CHODL: variants seen among roughly 807,000 people sequenced by gnomAD.
CHODL encodes the protein chondrolectin.
CHODL carries 29 observed loss-of-function variants against 34.5 expected under a neutral mutation model. That is an observed-to-expected ratio of 0.84 (90% confidence interval 0.63 to 1.15). The LOEUF is 1.15. Ranked by LOEUF, CHODL falls within the 50% of genes most tolerant of loss-of-function variation. CHODL has a pLI of 0.00. For missense variants in CHODL, 332 were observed against 332.5 expected (o/e 1.00, Z 0.01); for synonymous variants, 125 against 116.1 (o/e 1.08, Z -0.49).
chr21:18,070,838 A>G (rs1362000962), intron 2 of CHODL, among the ~76,000 whole-genome samples: 2 of 151,846 alleles, frequency 1.3e-5, no homozygotes, highest in African/African-American at 2.4e-5. Context: ...TCTCAACTCT[A>G]AGTAACTATG....
At chr21:18,149,403 T>C (rs1237131565) in intron 2 of CHODL, among the ~76,000 whole-genome samples, 1 of 152,186 alleles carries the variant, frequency 6.6e-6, no homozygotes, top group Non-Finnish European at 1.5e-5. Flanking sequence ...GCAATGGATG[T>C]CATAGAGTCC....
chr21:18,022,963 T>C (rs2064141328), intron 1 of CHODL, among the ~76,000 whole-genome samples: 1 of 152,154 alleles, frequency 6.6e-6, no homozygotes, highest in Admixed American at 6.5e-5. Context: ...AGGGCAAGTT[T>C]TGGGAAGGAG....
At chr21:18,113,531 G>A (rs905164968) in intron 2 of CHODL, among the ~76,000 whole-genome samples, 15 of 152,130 alleles carry the variant, frequency 9.9e-5, no homozygotes, top group Non-Finnish European at 2.1e-4. Flanking sequence ...AAAAGGTGAA[G>A]GGGAAGCAGG....
At chr21:18,073,889 T>A (rs1454973917) in intron 2 of CHODL, among the ~76,000 whole-genome samples, 1 of 152,016 alleles carries the variant, frequency 6.6e-6, no homozygotes, top group Non-Finnish European at 1.5e-5. Context: ...CTTGATGTAA[T>A]TTAATAAAAT....
chr21:18,143,896 A>G (rs937653660), intron 2 of CHODL, among the ~76,000 whole-genome samples: 3 of 152,116 alleles, frequency 2.0e-5, no homozygotes, highest in Non-Finnish European at 2.9e-5. Flanking sequence ...ATTCAATATA[A>G]TTGAATATTT....
chr21:18,059,573 G>A (rs1265793665), intron 2 of CHODL, among the ~76,000 whole-genome samples: 1 of 150,468 alleles, frequency 6.6e-6, no homozygotes, highest in Non-Finnish European at 1.5e-5. Context: ...ATGGGTAAAC[G>A]TGCTGCACAG....
intron 2 of CHODL, among the ~76,000 whole-genome samples, chr21:18,197,156 A>G (rs1400264365): frequency 6.6e-6 from 1 of 152,226 alleles, no homozygotes; most frequent in African/African-American, 2.4e-5. Context: ...AGGTGAAAAT[A>G]TAAATGTGTG....
chr21:18,044,998 G>A (rs2064424769), intron 2 of CHODL, among the ~76,000 whole-genome samples: 2 of 151,922 alleles, frequency 1.3e-5, no homozygotes, highest in South Asian at 2.1e-4. Context: ...ACAATAACAA[G>A]TACATAAAAA....
At chr21:18,123,749 G>A (rs965773443) in intron 2 of CHODL, among the ~76,000 whole-genome samples, 2 of 152,104 alleles carry the variant, frequency 1.3e-5, no homozygotes, top group African/African-American at 2.4e-5. Context: ...TGTTACATAG[G>A]CAATTAAATT....
chr21:18,080,505 G>A (rs1295854306), intron 2 of CHODL, among the ~76,000 whole-genome samples: 1 of 152,078 alleles, frequency 6.6e-6, no homozygotes, highest in Non-Finnish European at 1.5e-5. Flanking sequence ...GTTGATTTTT[G>A]TATATGGTGA....
At chr21:18,083,755 T>C (rs2064970496) in intron 2 of CHODL, among the ~76,000 whole-genome samples, 1 of 152,194 alleles carries the variant, frequency 6.6e-6, no homozygotes, top group African/African-American at 2.4e-5. Context: ...GTTCCTCCTA[T>C]TTGAAATGCA....
intron 2 of CHODL, among the ~76,000 whole-genome samples, chr21:18,116,338 T>G (rs993198550): frequency 1.3e-5 from 2 of 152,106 alleles, no homozygotes; most frequent in African/African-American, 4.8e-5. Flanking sequence ...TTTATCTCAT[T>G]TAGAGGTTCC....
At chr21:18,182,891 C>T (rs2073398253) in intron 2 of CHODL, among the ~76,000 whole-genome samples, 1 of 152,182 alleles carries the variant, frequency 6.6e-6, no homozygotes, top group African/African-American at 2.4e-5. Context: ...ACTCTCTCCA[C>T]ATTTGTGCTA....
chr21:18,182,371 A>G (rs1014909544), intron 2 of CHODL, among the ~76,000 whole-genome samples: 13 of 152,208 alleles, frequency 8.5e-5, no homozygotes, highest in Non-Finnish European at 1.9e-4. Flanking sequence ...CTCTTTCTCC[A>G]CTGGCATAAA....
At chr21:18,055,403 A>C (rs2064566732) in intron 2 of CHODL, among the ~76,000 whole-genome samples, 1 of 152,000 alleles carries the variant, frequency 6.6e-6, no homozygotes, top group African/African-American at 2.4e-5. Flanking sequence ...TTAGTTTTGA[A>C]AACTGAGTAG....
At chr21:18,226,438 T>C (rs1193593691) in intron 2 of CHODL, among the ~76,000 whole-genome samples, 1 of 152,076 alleles carries the variant, frequency 6.6e-6, no homozygotes, top group Non-Finnish European at 1.5e-5. Context: ...GTAGCTGGCA[T>C]TATAGGTGCA....
chr21:17,937,438 G>A (rs114481449), intron 1 of CHODL, among the ~76,000 whole-genome samples: 2,114 of 152,326 alleles, frequency 0.014, 54 homozygotes, highest in African/African-American at 0.048. Context: ...GGCAGATCAA[G>A]CTCACAGTGA....
intron 1 of CHODL, among the ~76,000 whole-genome samples, chr21:17,998,026 C>T (rs1449881080): frequency 6.6e-6 from 1 of 152,172 alleles, no homozygotes; most frequent in Admixed American, 6.5e-5. Context: ...TGAGACAAGG[C>T]AAGTCCCTTC....
intron 1 of CHODL, among the ~76,000 whole-genome samples, chr21:17,958,625 C>A (rs1600832661): frequency 6.6e-6 from 1 of 152,000 alleles, no homozygotes; most frequent in African/African-American, 2.4e-5. Flanking sequence ...CAGAGGGATA[C>A]AAAGAAGGAA....
Sources: allele counts gnomAD v4.1 joint callset (sites outside exome capture counted in the v4.1 genomes callset), GRCh38; gene constraint gnomAD v4.1.1; transcripts MANE v1.5; gene names NCBI Gene and HGNC (gene_info 2026-07-23, HGNC 2026-07-21).